Variants in CPQ observed in about 807,000 individuals in gnomAD.
CPQ encodes carboxypeptidase Q.
In CPQ, 37 loss-of-function variants were observed where a neutral mutation model predicts 45.7. That is an observed-to-expected ratio of 0.81 (90% confidence interval 0.62 to 1.07). The LOEUF (loss-of-function observed/expected upper bound fraction) is 1.07. CPQ is among the 50% of genes least tolerant of loss of function. The pLI is 0.00. For missense variants in CPQ, 537 were observed against 572.9 expected (o/e 0.94, Z 0.64); for synonymous variants, 186 against 205.8 (o/e 0.90, Z 0.82).
chr8:97,056,954 C>T (rs141841699), intron 6 of CPQ, among the ~76,000 whole-genome samples: 2 of 152,268 alleles, frequency 1.3e-5, no homozygotes, highest in African/African-American at 4.8e-5. Flanking sequence ...GAACTCATCA[C>T]ATTTAATGTA....
At chr8:96,849,989 A>G (rs550543354) in intron 3 of CPQ, among the ~76,000 whole-genome samples, 2 of 152,130 alleles carry the variant, frequency 1.3e-5, no homozygotes, top group African/African-American at 4.8e-5. Context: ...TCTTTATGCC[A>G]TCTTTCTTTT....
At chr8:97,093,775 T>A (rs1811165170) in intron 7 of CPQ, among the ~76,000 whole-genome samples, 1 of 152,194 alleles carries the variant, frequency 6.6e-6, no homozygotes, top group South Asian at 2.1e-4. Context: ...AAACCACCAA[T>A]CAGAATTTGA....
At chr8:96,854,548 A>C (rs1376512555) in intron 3 of CPQ, among the ~76,000 whole-genome samples, 1 of 119,054 alleles carries the variant, frequency 8.4e-6, no homozygotes, top group African/African-American at 3.1e-5. Flanking sequence ...AAAAAAAAAA[A>C]AAAAAAAAAA....
chr8:96,988,101 C>T (rs1351721509), intron 5 of CPQ, among the ~76,000 whole-genome samples: 1 of 152,176 alleles, frequency 6.6e-6, no homozygotes, highest in East Asian at 1.9e-4. Context: ...GATCTAGTCA[C>T]TGTTCACTAG....
intron 1 of CPQ, among the ~76,000 whole-genome samples, chr8:96,742,872 A>T (rs1475675737): frequency 2.6e-5 from 4 of 151,976 alleles, no homozygotes; most frequent in East Asian, 1.9e-4. Flanking sequence ...CTTCCCTTTG[A>T]GGGTAACCCG....
At chr8:96,858,708 G>A (rs1407797237) in intron 3 of CPQ, among the ~76,000 whole-genome samples, 1 of 152,140 alleles carries the variant, frequency 6.6e-6, no homozygotes, top group Non-Finnish European at 1.5e-5. Context: ...TGAGGTGACT[G>A]AACTGTTTAA....
At chr8:96,680,074 G>A (rs1490295382) in intron 1 of CPQ, among the ~76,000 whole-genome samples, 1 of 151,922 alleles carries the variant, frequency 6.6e-6, no homozygotes. Flanking sequence ...TTCCCTCTTG[G>A]CACTGCTTTT....
At chr8:97,008,388 G>T (rs114919118) in intron 5 of CPQ, among the ~76,000 whole-genome samples, 47 of 152,306 alleles carry the variant, frequency 3.1e-4, no homozygotes, top group African/African-American at 1.1e-3. Flanking sequence ...GTGAACAAAT[G>T]TACCTTTGAC....
intron 1 of CPQ, among the ~76,000 whole-genome samples, chr8:96,737,509 C>G (rs1304826747): frequency 6.6e-6 from 1 of 151,810 alleles, no homozygotes; most frequent in Non-Finnish European, 1.5e-5. Context: ...GCATCCAGCT[C>G]GAGAAAAAGA....
intron 1 of CPQ, among the ~76,000 whole-genome samples, chr8:96,654,464 C>T (rs1032419434): frequency 2.6e-5 from 4 of 152,196 alleles, no homozygotes; most frequent in South Asian, 2.1e-4. Flanking sequence ...TTCTCTCTAT[C>T]GGGGTTCTCT....
intron 6 of CPQ, among the ~76,000 whole-genome samples, chr8:97,045,384 G>A (rs1011524359): frequency 7.2e-5 from 11 of 152,248 alleles, no homozygotes; most frequent in African/African-American, 1.9e-4. Flanking sequence ...TCCAGGTGCC[G>A]TCTGTCACCC....
chr8:96,946,274 A>G (rs1813187264), intron 4 of CPQ, among the ~76,000 whole-genome samples: 1 of 152,156 alleles, frequency 6.6e-6, no homozygotes, highest in South Asian at 2.1e-4. Context: ...TTTCATTTCC[A>G]AAACAAAATT....
intron 7 of CPQ, among the ~76,000 whole-genome samples, chr8:97,092,093 A>C (rs1417791207): frequency 6.6e-6 from 1 of 152,166 alleles, no homozygotes; most frequent in East Asian, 1.9e-4. Context: ...GAAACCGTAT[A>C]CTGCTAAAAT....
chr8:96,962,978 C>A (rs929940735), intron 4 of CPQ, among the ~76,000 whole-genome samples: 2 of 152,032 alleles, frequency 1.3e-5, no homozygotes, highest in African/African-American at 4.8e-5. Context: ...TAGCACTATA[C>A]CAAAGACCTT....
chr8:96,858,219 T>G (rs547968492), intron 3 of CPQ, among the ~76,000 whole-genome samples: 3 of 152,126 alleles, frequency 2.0e-5, no homozygotes, highest in Non-Finnish European at 4.4e-5. Flanking sequence ...TAATACTTCC[T>G]GGGGGGAATC....
chr8:96,679,168 A>C (rs1239319520), intron 1 of CPQ, among the ~76,000 whole-genome samples: 3 of 151,980 alleles, frequency 2.0e-5, no homozygotes, highest in Non-Finnish European at 2.9e-5. Flanking sequence ...TTCTATGTCT[A>C]CTGAGATGAT....
intron 1 of CPQ, among the ~76,000 whole-genome samples, chr8:96,729,464 A>G (rs1480715528): frequency 6.6e-6 from 1 of 152,148 alleles, no homozygotes; most frequent in Non-Finnish European, 1.5e-5. Context: ...GAAGGACAGT[A>G]TTTTCTAGCC....
intron 1 of CPQ, among the ~76,000 whole-genome samples, chr8:96,752,255 C>G (rs1413641573): frequency 6.6e-6 from 1 of 152,176 alleles, no homozygotes. Flanking sequence ...TTCCTCCTAT[C>G]CATGAGCATG....
At chr8:96,870,168 T>A (rs560032088) in intron 3 of CPQ, among the ~76,000 whole-genome samples, 65 of 48,386 alleles carry the variant, frequency 1.3e-3, no homozygotes, top group African/African-American at 3.6e-3. Flanking sequence ...ATATATATAT[T>A]TTTTTGGTAT....
Sources: gnomAD v4.1 joint callset for allele counts (sites outside exome capture counted in the v4.1 genomes callset) on GRCh38, gnomAD v4.1.1 for gene constraint, MANE v1.5 for transcripts, NCBI Gene and HGNC (gene_info 2026-07-23, HGNC 2026-07-21) for gene names.